RBFOX3: variants seen among roughly 807,000 people sequenced by gnomAD.
RBFOX3 encodes the protein RNA binding protein fox-1 homolog 3.
Under a neutral mutation model 48.7 loss-of-function variants are expected in RBFOX3, and 17 were observed. The ratio of observed to expected loss-of-function variants is 0.35; its 90% CI spans 0.24 to 0.52. RBFOX3 has a LOEUF of 0.52. RBFOX3 is among the 20% of genes least tolerant of loss of function. The probability of loss-of-function intolerance (pLI) is 0.94; values close to 1 mark genes in which losing one functional copy is unlikely to be tolerated. For missense variants in RBFOX3, 382 were observed against 497.5 expected (o/e 0.77, Z 2.21); for synonymous variants, 212 against 209.5 (o/e 1.01, Z -0.10).
intron 3 of RBFOX3, among the ~76,000 whole-genome samples, chr17:79,307,153 G>C (rs938219736): frequency 3.9e-5 from 6 of 152,236 alleles, no homozygotes; most frequent in Admixed American, 6.5e-5. Flanking sequence ...CGGCCACCTC[G>C]GGGCGCGGAA....
chr17:79,466,404 C>G (rs894068272), intron 2 of RBFOX3, among the ~76,000 whole-genome samples: 3 of 152,186 alleles, frequency 2.0e-5, no homozygotes, highest in Non-Finnish European at 4.4e-5. Context: ...GCAGCACCTG[C>G]GAGTGTTTGC....
the RBFOX3 span, among the ~76,000 whole-genome samples, chr17:79,638,225 G>T: frequency 1.4e-5 from 2 of 146,596 alleles, no homozygotes; most frequent in African/African-American, 5.0e-5. Context: ...GTAGAAGAAG[G>T]GAAATAATAA....
chr17:79,356,348 G>GGTTTTTTTTTTTTT (rs2084999414), intron 2 of RBFOX3, among the ~76,000 whole-genome samples: 5 of 47,268 alleles, frequency 1.1e-4, no homozygotes, highest in Non-Finnish European at 1.6e-4. Context: ...AAACAGGGAA[G>GGTTTTTTTTTTTTT]TTTTTTTTTT....
At chr17:79,411,580 T>C (rs1235784779) in intron 2 of RBFOX3, among the ~76,000 whole-genome samples, 1 of 152,192 alleles carries the variant, frequency 6.6e-6, no homozygotes. Context: ...CCCTCTGTGC[T>C]GTAAGCCCCT....
At chr17:79,455,673 C>G (rs1246085112) in intron 2 of RBFOX3, among the ~76,000 whole-genome samples, 1 of 152,170 alleles carries the variant, frequency 6.6e-6, no homozygotes, top group African/African-American at 2.4e-5. Context: ...ACACACACTT[C>G]CACAATCACA....
At chr17:79,200,891 C>T (rs980480699) in intron 4 of RBFOX3, among the ~76,000 whole-genome samples, 1 of 152,048 alleles carries the variant, frequency 6.6e-6, no homozygotes, top group Non-Finnish European at 1.5e-5. Context: ...CTTTCACCCC[C>T]TCCTGCGTCC....
intron 3 of RBFOX3, among the ~76,000 whole-genome samples, chr17:79,265,020 G>GA (rs1277236446): frequency 1.3e-5 from 2 of 151,810 alleles, no homozygotes; most frequent in Non-Finnish European, 2.9e-5. Flanking sequence ...AACTACTACA[G>GA]AAAGCAGCCC....
intron 2 of RBFOX3, among the ~76,000 whole-genome samples, chr17:79,453,931 T>G (rs2074014853): frequency 6.6e-6 from 1 of 152,084 alleles, no homozygotes; most frequent in East Asian, 1.9e-4. Context: ...CTTGGACACC[T>G]CTCAGCCCGG....
chr17:79,113,033 G>A (rs1296651518), intron 5 of RBFOX3, among the ~76,000 whole-genome samples: 2 of 151,970 alleles, frequency 1.3e-5, no homozygotes, highest in African/African-American at 4.8e-5. Flanking sequence ...AGGCAGGTCT[G>A]GACCAAAGCT....
At chr17:79,193,213 C>T (rs1041496356) in intron 4 of RBFOX3, among the ~76,000 whole-genome samples, 1 of 152,110 alleles carries the variant, frequency 6.6e-6, no homozygotes, top group Admixed American at 6.5e-5. Flanking sequence ...TGGGAGGCAC[C>T]GGGGAGCAGC....
intron 1 of RBFOX3, among the ~76,000 whole-genome samples, chr17:79,532,261 G>A (rs935735182): frequency 6.6e-5 from 10 of 152,280 alleles, no homozygotes; most frequent in Non-Finnish European, 1.5e-4. Context: ...ATCCCCTGCA[G>A]CTCCTAAAGG....
rs923316146 is a variant in RBFOX3, at chr17:79,311,804, G to C, written c.-174-3980C>G. On this transcript the variant is annotated intron_variant, in intron 2 of 14. Transcript: ENST00000693108. This position sits in a 1 kb window ranked among gnomAD's most constrained non-coding sequence, Gnocchi z 4.2. ...GCAGTGCCCCCATGATGGCAGAAAC[G>C]GGGAACAGGAAGGAGGCAGCCCAAA... Among the ~76,000 whole-genome samples the C allele has an allele frequency of 6.6e-6, 1 of 152,128 alleles. No homozygotes were observed. The highest frequency in any genetic ancestry group is 6.5e-5 in the Admixed American group (1 of 15,276).
chr17:79,348,809 A>G (rs917662249), intron 2 of RBFOX3, among the ~76,000 whole-genome samples: 8 of 151,340 alleles, frequency 5.3e-5, no homozygotes, highest in African/African-American at 1.9e-4. Flanking sequence ...CCAACTCCTG[A>G]CCTCAGGTGA....
upstream of RBFOX3, among the ~76,000 whole-genome samples, chr17:79,613,125 A>G (rs2093981311): frequency 6.6e-6 from 1 of 152,350 alleles, no homozygotes; most frequent in East Asian, 1.9e-4. Context: ...CCTGCAAAGC[A>G]TAGGGCCCGG....
At chr17:79,143,936 C>A (rs1049789957) in intron 4 of RBFOX3, among the ~76,000 whole-genome samples, 2 of 152,234 alleles carry the variant, frequency 1.3e-5, no homozygotes, top group Non-Finnish European at 2.9e-5. Context: ...CAGGCCAGGA[C>A]GGACACCCCC....
At chr17:79,181,998 CACAA>C (rs1217499869) in intron 4 of RBFOX3, among the ~76,000 whole-genome samples, 2 of 146,714 alleles carry the variant, frequency 1.4e-5, no homozygotes, top group Non-Finnish European at 3.0e-5. Context: ...CACACACACA[CACAA>C]ACACACAATC....
rs1017261660 is a variant in RBFOX3 at position 79,554,537 on chromosome 17, C to T, written c.-320+56289G>A. ...GCTGGCCCTTTCTTCGTGGGTGCTTCGCACCCCGCTGTGAGCCTGACTTCA... is the reference window on the plus strand; with the variant it reads ...GCTGGCCCTTTCTTCGTGGGTGCTTTGCACCCCGCTGTGAGCCTGACTTCA... On this transcript the variant is annotated intron_variant, in intron 1 of 14. Coordinates refer to ENST00000693108, the MANE Select transcript of RBFOX3 (RefSeq NM_001350451.2). 1.1e-3 allele frequency among the ~76,000 whole-genome samples: 167 copies of T among 152,234 alleles called. 1 individual carries two copies. The highest frequency in any genetic ancestry group is 1.5e-3 in the Non-Finnish European group (102 of 67,994).
At chr17:79,440,274 G>C (rs1191213763) in intron 2 of RBFOX3, among the ~76,000 whole-genome samples, 1 of 152,244 alleles carries the variant, frequency 6.6e-6, no homozygotes, top group Non-Finnish European at 1.5e-5. Flanking sequence ...GACGGGCCGT[G>C]CTTTTCCACG....
At chr17:79,549,886 A>G (rs1044115747) in intron 1 of RBFOX3, among the ~76,000 whole-genome samples, 7 of 152,222 alleles carry the variant, frequency 4.6e-5, no homozygotes, top group Non-Finnish European at 1.0e-4. Flanking sequence ...TAGTGATATG[A>G]TGGATGAAGC....
Sources: gnomAD v4.1 joint callset for allele counts (sites outside exome capture counted in the v4.1 genomes callset) on GRCh38, gnomAD v4.1.1 for gene constraint, Gnocchi (gnomAD v3.1) non-coding constraint, MANE v1.5 for transcripts, NCBI Gene and HGNC (gene_info 2026-07-23, HGNC 2026-07-21) for gene names.